ZNF831: variants seen among roughly 807,000 people sequenced by gnomAD.
ZNF831 encodes zinc finger protein 831, also known as chromosome 20 open reading frame 174.
In ZNF831, 59 loss-of-function variants were observed where a neutral mutation model predicts 95.8. The observed-to-expected ratio is 0.62, with a 90% CI of 0.50 to 0.77. The LOEUF (loss-of-function observed/expected upper bound fraction) is 0.77. Ranked by LOEUF, ZNF831 falls within the 30% of genes least tolerant of loss-of-function variation. The probability of loss-of-function intolerance (pLI) is 0.00; values close to 1 mark genes in which losing one functional copy is unlikely to be tolerated. For synonymous variants in ZNF831, 961 were observed against 925.5 expected, an observed-to-expected ratio of 1.04 and a Z score of -0.70; for missense variants, 2,205 against 2,164.0, an observed-to-expected ratio of 1.02 and a Z score of -0.38.
At chr20:59,199,079 CTATCTAT>C in intron 3 of ZNF831, among the ~76,000 whole-genome samples, 1 of 7,288 alleles carries the variant, frequency 1.4e-4, no homozygotes, top group Non-Finnish European at 2.4e-4. Flanking sequence ...ACATATCTAT[CTATCTAT>C]CTATCTATCT....
chr20:59,133,975 G>C (rs1035732051), intron 1 of ZNF831, among the ~76,000 whole-genome samples: 2 of 152,240 alleles, frequency 1.3e-5, no homozygotes, highest in African/African-American at 4.8e-5. Context: ...CTTGGCCCAT[G>C]GTGGGGCTGC....
At position 59,194,603 on chromosome 20, in the gene ZNF831, C is replaced by T. The variant is rs1455915116; in HGVS notation, c.3584C>T (p.Pro1195Leu). The change falls in exon 2 of 6, where the codon CCC becomes CTC. Residue 1195 changes from proline to leucine, a missense_variant. By Grantham distance (98) the Pro-to-Leu change is moderately conservative. Coordinates refer to ENST00000371030, the MANE Select transcript of ZNF831 (RefSeq NM_178457.3). Reference sequence around the variant, plus strand: ...TGCCTGAGCCGCAGTGTCCCTCTGCCCGCGGAGCAGAAGGCAAAGGCGGCA... The same window carrying T: ...TGCCTGAGCCGCAGTGTCCCTCTGCTCGCGGAGCAGAAGGCAAAGGCGGCA... ...WCCLSRSVPL[P>L]AEQKAKAASV... is the part of the protein sequence containing the mutation. 6.2e-7 allele frequency: 1 copy of T among 1,612,514 alleles called. No individual in the cohort carries two copies. Among genetic ancestry groups the T allele is most frequent in the South Asian group, 1.1e-5 (1 of 90,882 alleles).
At chr20:59,159,595 G>A (rs1980735242), upstream of ZNF831, 1 of 152,182 alleles carries the variant, frequency 6.6e-6, no homozygotes, top group East Asian at 1.9e-4. Flanking sequence ...GCACATCTGA[G>A]GAGTGTTACT....
rs1310660516 is a variant in ZNF831, at chr20:59,254,069, C to T, written c.4360C>T (p.Gln1454Ter). 1 of 1,614,088 alleles carries T rather than the reference C, an allele frequency of 6.2e-7. No individual in the cohort carries two copies. The highest frequency in any genetic ancestry group is 1.1e-5 in the South Asian group (1 of 91,084). The change falls in exon 6 of 6, where the codon CAG becomes TAG. Residue 1454 changes from glutamine to a stop codon, truncating the protein, a stop_gained. Coordinates refer to ENST00000371030, the MANE Select transcript of ZNF831 (RefSeq NM_178457.3). LOFTEE classifies it low-confidence loss of function (END_TRUNC). This position sits in a 1 kb window ranked among gnomAD's most constrained non-coding sequence, Gnocchi z 4.5. ...GLLETQLLAS[Q>*]DSVSTDPKPY... ...GCTGGAGACTCAGCTGCTGGCCTCC[C>T]AGGATTCAGTCTCAACAGATCCCAA...
chr20:59,183,807 T>C (rs977696618), intron 1 of ZNF831, among the ~76,000 whole-genome samples: 1 of 152,248 alleles, frequency 6.6e-6, no homozygotes, highest in Non-Finnish European at 1.5e-5. Context: ...CATCCACCTC[T>C]TTCAGCCTGT....
chr20:59,147,714 T>A (rs1979953952), intron 2 of ZNF831, among the ~76,000 whole-genome samples: 1 of 152,344 alleles, frequency 6.6e-6, no homozygotes, highest in Non-Finnish European at 1.5e-5. Context: ...CATCTTCCAA[T>A]ATAGTTTAGG....
Position 59,194,066 on chromosome 20 carries a change from G to C in ZNF831, c.3047G>C (p.Gly1016Ala), listed in dbSNP as rs2146593718. 6.5e-7 allele frequency: 1 copy of C among 1,531,436 alleles called. No individual in the cohort carries two copies. The highest frequency in any genetic ancestry group is 1.3e-5 in the South Asian group (1 of 77,650). The allele number at this position is 1,531,436 out of a possible 1,614,324, so 94.9% of individuals were successfully genotyped here. ...CCCAGCTGTTCCAGGCCACAGGATG[G>C]GAGAAAAGGGGCACAGTTGGGGGGG... ...EDPSCSRPQD[G>A]RKGAQLGGDK... Residue 1016 changes from glycine to alanine, a missense_variant, in exon 2 of 6, where the codon GGG (glycine) becomes GCG (alanine). By Grantham distance (60) the Gly-to-Ala change is moderately conservative. Transcript: ENST00000371030.
chr20:59,233,796 C>G (rs1414663915), intron 4 of ZNF831, among the ~76,000 whole-genome samples: 1 of 152,170 alleles, frequency 6.6e-6, no homozygotes, highest in Non-Finnish European at 1.5e-5. Context: ...TTCTCAAGCC[C>G]TCTCTAATTT....
At position 59,249,061 on chromosome 20, in the gene ZNF831, A is replaced by G. The variant is rs566171068; in HGVS notation, c.4028-3917A>G. The stretch of plus-strand genomic sequence containing the variant: ...GACTGTCCTTCCACATTGGCCCCCC[A>G]TGGGTCTCTTGCTCCCGCAAGCTGC... On this transcript the variant is annotated intron_variant, in intron 4 of 5. Transcript: ENST00000371030. Among the ~76,000 whole-genome samples, 268 of 152,124 alleles carry G rather than the reference A, an allele frequency of 1.8e-3. 2 individuals are homozygous for G. Among genetic ancestry groups the G allele is most frequent in the African/African-American group, 6.0e-3 (247 of 41,492 alleles).
chr20:59,127,846 C>G (rs1484344465), intron 1 of ZNF831, among the ~76,000 whole-genome samples: 1 of 152,080 alleles, frequency 6.6e-6, no homozygotes, highest in Non-Finnish European at 1.5e-5. Flanking sequence ...ACTTTTCTGG[C>G]CTAGACAAAA....
At chr20:59,141,137 T>C (rs1009760505) in intron 1 of ZNF831, among the ~76,000 whole-genome samples, 1 of 152,208 alleles carries the variant, frequency 6.6e-6, no homozygotes, top group Non-Finnish European at 1.5e-5. Context: ...TGACCTCAAA[T>C]AATCTGCCCA....
intron 4 of ZNF831, among the ~76,000 whole-genome samples, chr20:59,233,702 A>G (rs1986857369): frequency 6.6e-6 from 1 of 152,174 alleles, no homozygotes; most frequent in African/African-American, 2.4e-5. Context: ...TGGCCATTTG[A>G]AAGTTTTATT....
upstream of ZNF831, among the ~76,000 whole-genome samples, chr20:59,159,445 C>A (rs1413131940): frequency 6.6e-6 from 1 of 152,116 alleles, no homozygotes. Context: ...ATGCATCATG[C>A]CTTAAATAAA....
chr20:59,180,401 G>T (rs1254366982), intron 1 of ZNF831, among the ~76,000 whole-genome samples: 1 of 152,056 alleles, frequency 6.6e-6, no homozygotes, highest in Non-Finnish European at 1.5e-5. Flanking sequence ...TGTGCAGAAC[G>T]TGCAGGCTTG....
chr20:59,158,183 C>T (rs1167302411), intron 2 of ZNF831, among the ~76,000 whole-genome samples: 1 of 152,224 alleles, frequency 6.6e-6, no homozygotes, highest in African/African-American at 2.4e-5. Context: ...TGCAGTGAGA[C>T]TGGCCCGTGG....
intron 4 of ZNF831, among the ~76,000 whole-genome samples, chr20:59,223,547 C>T (rs1338688203): frequency 6.6e-6 from 1 of 152,242 alleles, no homozygotes; most frequent in Non-Finnish European, 1.5e-5. Context: ...GAGGAAAGCA[C>T]TCGGGCTCGC....
intron 2 of ZNF831, chr20:59,147,039 G>C (rs905936783): frequency 6.6e-6 from 1 of 152,216 alleles, no homozygotes; most frequent in Admixed American, 6.5e-5. Context: ...CATGTCTCTG[G>C]GTCGGAGGGG....
chr20:59,132,946 G>T (rs1217095957), intron 1 of ZNF831, among the ~76,000 whole-genome samples: 1 of 152,256 alleles, frequency 6.6e-6, no homozygotes, highest in African/African-American at 2.4e-5. Flanking sequence ...TGACCTGTTA[G>T]GGTATGTTCA....
chr20:59,234,972 T>G (rs950129368), intron 4 of ZNF831, among the ~76,000 whole-genome samples: 1 of 152,192 alleles, frequency 6.6e-6, no homozygotes, highest in Admixed American at 6.5e-5. Flanking sequence ...CCCTGGTTTT[T>G]CCCTAATGCC....
Sources: allele counts gnomAD v4.1 joint callset (sites outside exome capture counted in the v4.1 genomes callset), GRCh38; gene constraint gnomAD v4.1.1; non-coding constraint Gnocchi (gnomAD v3.1); transcripts MANE v1.5; gene names NCBI Gene and HGNC (gene_info 2026-07-23, HGNC 2026-07-21).